Variants in TENM3 observed in about 807,000 individuals in gnomAD.
The protein encoded by TENM3 is teneurin-3.
A neutral mutation model predicts 255.1 loss-of-function variants in TENM3; 63 were observed. That is an observed-to-expected ratio of 0.25 (90% CI 0.20 to 0.30). The LOEUF (loss-of-function observed/expected upper bound fraction) is 0.30, where lower values mean the gene tolerates loss of function less well. Among genes scored for constraint, TENM3 ranks in the 10% least tolerant of loss-of-function variants. The pLI is 1.00. For synonymous variants in TENM3, 1,306 were observed against 1,322.3 expected (o/e 0.99, Z 0.27); for missense variants, 2,929 against 3,461.1 (o/e 0.85, Z 3.86).
At chr4:181,911,629 G>C in the TENM3 span, among the ~76,000 whole-genome samples, 1 of 152,208 alleles carries the variant, frequency 6.6e-6, no homozygotes, top group Non-Finnish European at 1.5e-5. Context: ...AGCTGAGTCA[G>C]TGCAGTTATC....
chr4:181,604,457 G>T, the TENM3 span, among the ~76,000 whole-genome samples: 5 of 151,636 alleles, frequency 3.3e-5, no homozygotes, highest in African/African-American at 1.2e-4. Flanking sequence ...CTGTTTCCCA[G>T]GGGGGACATC....
chr4:182,239,396 T>G (rs1358489367), upstream of TENM3, among the ~76,000 whole-genome samples: 2 of 152,132 alleles, frequency 1.3e-5, no homozygotes, highest in Non-Finnish European at 2.9e-5. Flanking sequence ...TTGCTTATAG[T>G]CCCTTACAAT....
At chr4:182,009,675 G>A in the TENM3 span, among the ~76,000 whole-genome samples, 1 of 152,052 alleles carries the variant, frequency 6.6e-6, no homozygotes, top group Non-Finnish European at 1.5e-5. Flanking sequence ...GCTGGCTACT[G>A]CCCCCTCCTC....
chr4:182,771,707 C>A (rs775831599), intron 22 of TENM3, among the ~76,000 whole-genome samples: 1 of 152,144 alleles, frequency 6.6e-6, no homozygotes, highest in Non-Finnish European at 1.5e-5. Flanking sequence ...TTAAATAAAC[C>A]AGTGCGTGTT....
At chr4:181,465,426 G>A in the TENM3 span, among the ~76,000 whole-genome samples, 1 of 152,090 alleles carries the variant, frequency 6.6e-6, no homozygotes, top group Non-Finnish European at 1.5e-5. Flanking sequence ...CAGAAACAAA[G>A]AGTGCTTTTA....
At chr4:181,474,121 T>C in the TENM3 span, among the ~76,000 whole-genome samples, 20 of 151,796 alleles carry the variant, frequency 1.3e-4, no homozygotes, top group African/African-American at 3.9e-4. Context: ...TGAGAACACA[T>C]GGACACAGGG....
At chr4:181,460,673 T>C in the TENM3 span, among the ~76,000 whole-genome samples, 1 of 90,472 alleles carries the variant, frequency 1.1e-5, no homozygotes, top group Non-Finnish European at 2.2e-5. Flanking sequence ...TTACTAGCTA[T>C]AGTTCTTTTT....
At chr4:181,831,968 TTGTGTGTGTGTG>T in the TENM3 span, among the ~76,000 whole-genome samples, 1,651 of 132,706 alleles carry the variant, frequency 0.012, 20 homozygotes, top group African/African-American at 0.028. Flanking sequence ...ATATATTACA[TTGTGTGTGTGTG>T]TGTGTGTGTG....
At chr4:181,626,492 G>T in the TENM3 span, among the ~76,000 whole-genome samples, 1 of 152,110 alleles carries the variant, frequency 6.6e-6, no homozygotes. Flanking sequence ...TCTGATGAGG[G>T]TTCCAGGAAA....
chr4:181,638,048 A>C, the TENM3 span, among the ~76,000 whole-genome samples: 1 of 152,224 alleles, frequency 6.6e-6, no homozygotes, highest in South Asian at 2.1e-4. Context: ...GACCGTCTAC[A>C]GGACACACTT....
the TENM3 span, among the ~76,000 whole-genome samples, chr4:181,697,669 G>C: frequency 5.3e-5 from 8 of 152,204 alleles, 1 homozygote; most frequent in South Asian, 8.3e-4. Flanking sequence ...TGGGATTACA[G>C]GCGTAAGCCA....
intron 1 of TENM3, among the ~76,000 whole-genome samples, chr4:182,205,583 GC>G (rs1198354129): frequency 6.6e-6 from 1 of 152,132 alleles, no homozygotes; most frequent in African/African-American, 2.4e-5. Flanking sequence ...GCTCCCCTGG[GC>G]CCCCCCAAAT....
chr4:181,963,444 C>A, the TENM3 span, among the ~76,000 whole-genome samples: 1 of 152,048 alleles, frequency 6.6e-6, no homozygotes, highest in Non-Finnish European at 1.5e-5. Context: ...CTGGATTTGC[C>A]CAAAAGAACA....
In TENM3 at chr4:182,729,059, C is replaced by G; in HGVS notation, c.2463C>G (p.Ile821Met). Residue 821 changes from isoleucine (I) to methionine (M), a missense_variant, in exon 14 of 28, where the codon ATC (isoleucine) becomes ATG (methionine). By Grantham distance (10) the Ile-to-Met change is conservative. Around this residue, in one of 6 missense-constraint regions of TENM3, gnomAD observed 1,608 missense variants for 1,884.4 expected, o/e 0.85. Coordinates refer to ENST00000511685, the MANE Select transcript of TENM3 (RefSeq NM_001080477.4). ...YCRGLPDPQD[I>M]ISQSLQSPSQ... The stretch of plus-strand genomic sequence containing the variant: ...GGGGACTGCCGGATCCTCAGGACAT[C>G]ATTAGCCAAAGCCTTCAATCGCCTT... The G allele has an allele frequency of 6.2e-7, 1 of 1,614,002 alleles. No homozygotes were observed. The highest frequency in any genetic ancestry group is 8.5e-7 in the Non-Finnish European group (1 of 1,179,892).
chr4:181,659,327 G>A, the TENM3 span, among the ~76,000 whole-genome samples: 1 of 152,052 alleles, frequency 6.6e-6, no homozygotes, highest in South Asian at 2.1e-4. Flanking sequence ...TCCCTACTTT[G>A]ACCGCTTTAC....
At chr4:182,618,749 A>G (rs146009738) in intron 4 of TENM3, among the ~76,000 whole-genome samples, 6 of 152,090 alleles carry the variant, frequency 3.9e-5, no homozygotes, top group Non-Finnish European at 5.9e-5. Flanking sequence ...TTAAAACATG[A>G]TGTTTCATTT....
intron 3 of TENM3, among the ~76,000 whole-genome samples, chr4:182,362,855 G>A (rs955068824): frequency 3.3e-5 from 5 of 152,086 alleles, no homozygotes; most frequent in African/African-American, 9.7e-5. Flanking sequence ...GTTCCTATTC[G>A]GCCATCTTGG....
the TENM3 span, among the ~76,000 whole-genome samples, chr4:181,505,149 C>G: frequency 2.0e-5 from 3 of 152,092 alleles, no homozygotes; most frequent in Non-Finnish European, 2.9e-5. Context: ...TGTGAGAAGC[C>G]CAGTCTCTGG....
intron 3 of TENM3, among the ~76,000 whole-genome samples, chr4:182,356,198 T>A (rs1765513756): frequency 6.6e-6 from 1 of 151,752 alleles, no homozygotes; most frequent in Non-Finnish European, 1.5e-5. Context: ...ATCAGCAGAG[T>A]CAAAAACTTC....
Sources: gnomAD v4.1 joint callset for allele counts (sites outside exome capture counted in the v4.1 genomes callset) on GRCh38, gnomAD v4.1.1 for gene constraint, gnomAD v4.1.1 regional missense constraint, MANE v1.5 for transcripts, NCBI Gene and HGNC (gene_info 2026-07-23, HGNC 2026-07-21) for gene names.